Variants in ATRNL1 observed in about 807,000 individuals in gnomAD.
ATRNL1 encodes the protein attractin like 1.
ATRNL1 carries 95 observed loss-of-function variants against 182.7 expected under a neutral mutation model. The ratio of observed to expected loss-of-function variants is 0.52; its 90% CI spans 0.44 to 0.62. The LOEUF (loss-of-function observed/expected upper bound fraction) is 0.62. Among genes scored for constraint, ATRNL1 ranks in the 20% least tolerant of loss-of-function variants. The pLI is 0.00. For missense variants in ATRNL1, 1,471 were observed against 1,679.5 expected, an observed-to-expected ratio of 0.88 and a Z score of 2.17; for synonymous variants, 576 against 568.3, an observed-to-expected ratio of 1.01 and a Z score of -0.19.
At chr10:115,808,760 C>T (rs1949979217) in intron 27 of ATRNL1, among the ~76,000 whole-genome samples, 1 of 152,110 alleles carries the variant, frequency 6.6e-6, no homozygotes, top group African/African-American at 2.4e-5. Flanking sequence ...CCATTTCCCT[C>T]ATGACTTCCG....
chr10:115,612,693 G>A (rs1342502230), intron 26 of ATRNL1, among the ~76,000 whole-genome samples: 1 of 152,150 alleles, frequency 6.6e-6, no homozygotes, highest in East Asian at 1.9e-4. Flanking sequence ...AAAGTCCTTG[G>A]CAAAAGTTCT....
At chr10:115,622,160 C>A (rs1857809354) in intron 26 of ATRNL1, among the ~76,000 whole-genome samples, 1 of 152,210 alleles carries the variant, frequency 6.6e-6, no homozygotes, top group African/African-American at 2.4e-5. Flanking sequence ...TGAGTTTATT[C>A]AGGAGTGTGC....
intron 14 of ATRNL1, among the ~76,000 whole-genome samples, chr10:115,282,482 TA>T (rs1372324492): frequency 1.3e-5 from 2 of 151,210 alleles, no homozygotes; most frequent in Non-Finnish European, 2.9e-5. Flanking sequence ...TTTCTTATAA[TA>T]AATATGTGCT....
At chr10:115,202,401 A>G (rs1422219317) in intron 8 of ATRNL1, among the ~76,000 whole-genome samples, 9 of 147,140 alleles carry the variant, frequency 6.1e-5, no homozygotes, top group African/African-American at 1.8e-4. Flanking sequence ...TTTGAGATAC[A>G]TCCCATCAAT....
intron 28 of ATRNL1, among the ~76,000 whole-genome samples, chr10:115,853,074 G>T (rs369766871): frequency 6.6e-6 from 1 of 151,986 alleles, no homozygotes; most frequent in Admixed American, 6.6e-5. Context: ...TGATGGGGTC[G>T]GGTTAGATTC....
chr10:115,517,683 A>G (rs1850710755), intron 24 of ATRNL1, among the ~76,000 whole-genome samples: 1 of 151,684 alleles, frequency 6.6e-6, no homozygotes, highest in Non-Finnish European at 1.5e-5. Flanking sequence ...GTTTCCTCCT[A>G]TTCCAATTTG....
intron 27 of ATRNL1, among the ~76,000 whole-genome samples, chr10:115,832,198 C>G (rs1288353821): frequency 6.6e-6 from 1 of 152,166 alleles, no homozygotes; most frequent in African/African-American, 2.4e-5. Context: ...AAACTGTAGT[C>G]TGGGTCAGAA....
At chr10:115,867,645 C>G (rs1172650952) in intron 28 of ATRNL1, among the ~76,000 whole-genome samples, 3 of 152,094 alleles carry the variant, frequency 2.0e-5, no homozygotes, top group Non-Finnish European at 4.4e-5. Flanking sequence ...TTTAACATAG[C>G]CACAGATTGG....
chr10:115,366,566 G>A (rs1857053370), intron 19 of ATRNL1, among the ~76,000 whole-genome samples: 1 of 150,602 alleles, frequency 6.6e-6, no homozygotes, highest in Non-Finnish European at 1.5e-5. Context: ...TCATTATGAT[G>A]TTAGCTGGTG....
chr10:115,655,347 A>G, intron 26 of ATRNL1, among the ~76,000 whole-genome samples: 1 of 152,218 alleles, frequency 6.6e-6, no homozygotes, highest in Non-Finnish European at 1.5e-5. Flanking sequence ...ATTGTGAATT[A>G]TATCTTGAGC....
chr10:115,201,689 G>C (rs1487618230), intron 8 of ATRNL1, among the ~76,000 whole-genome samples: 1 of 152,052 alleles, frequency 6.6e-6, no homozygotes. Flanking sequence ...TGTTCTTTTG[G>C]CTTAGGATTG....
At chr10:115,160,944 A>G (rs571502322) in intron 6 of ATRNL1, among the ~76,000 whole-genome samples, 1 of 152,066 alleles carries the variant, frequency 6.6e-6, no homozygotes, top group African/African-American at 2.4e-5. Flanking sequence ...ACACAATAGA[A>G]TTGCCAGATT....
intron 18 of ATRNL1, among the ~76,000 whole-genome samples, chr10:115,318,933 G>C (rs192736388): frequency 1.5e-3 from 231 of 152,072 alleles, no homozygotes; most frequent in African/African-American, 5.4e-3. Flanking sequence ...TCTTCTGCTA[G>C]CTTTTGGATT....
intron 5 of ATRNL1, among the ~76,000 whole-genome samples, chr10:115,139,220 C>T (rs1483326494): frequency 6.6e-6 from 1 of 152,190 alleles, no homozygotes. Flanking sequence ...CCACATTTTT[C>T]TATCTTCTTC....
At chr10:115,616,383 A>T (rs1027057582) in intron 26 of ATRNL1, among the ~76,000 whole-genome samples, 2 of 152,228 alleles carry the variant, frequency 1.3e-5, no homozygotes, top group Non-Finnish European at 2.9e-5. Context: ...AGCAGGGCAT[A>T]CAATTTGGGA....
chr10:115,863,285 C>A (rs1951357624), intron 28 of ATRNL1, among the ~76,000 whole-genome samples: 2 of 151,996 alleles, frequency 1.3e-5, no homozygotes, highest in Admixed American at 1.3e-4. Context: ...AATAACTATG[C>A]TGGGGGTATA....
At chr10:115,785,634 A>G (rs1165016603) in intron 27 of ATRNL1, among the ~76,000 whole-genome samples, 2 of 152,204 alleles carry the variant, frequency 1.3e-5, no homozygotes, top group African/African-American at 4.8e-5. Context: ...AATCTATTCA[A>G]TGAAATGTCC....
rs938300518 is a variant in ATRNL1, at chr10:115,093,569, C to G, written c.-182C>G. 2.3e-5 allele frequency: 17 copies of G among 734,434 alleles called. No homozygotes were observed. The highest frequency in any genetic ancestry group is 3.5e-5 in the Non-Finnish European group (15 of 423,886). The allele number at this position is 734,434 out of a possible 1,614,324, so 45.5% of individuals were successfully genotyped here. On this transcript the variant is annotated 5_prime_UTR_variant, in exon 1 of 29. Coordinates refer to ENST00000355044, the MANE Select transcript of ATRNL1 (RefSeq NM_207303.4). This position sits in a 1 kb window ranked among gnomAD's most constrained non-coding sequence, Gnocchi z 6.1. ...GATGCCCGAGTGCGACTGGAGGCAGCCGAGCGGAGGCGACGGCGGTTGGGA... is the reference window on the plus strand; with the variant it reads ...GATGCCCGAGTGCGACTGGAGGCAGGCGAGCGGAGGCGACGGCGGTTGGGA...
At chr10:115,260,799 T>G (rs1851360528) in intron 10 of ATRNL1, among the ~76,000 whole-genome samples, 1 of 151,800 alleles carries the variant, frequency 6.6e-6, no homozygotes. Flanking sequence ...GAAGATAAAG[T>G]GAAGAATCTC....
Sources: gnomAD v4.1 joint callset for allele counts (sites outside exome capture counted in the v4.1 genomes callset) on GRCh38, gnomAD v4.1.1 for gene constraint, Gnocchi (gnomAD v3.1) non-coding constraint, MANE v1.5 for transcripts, NCBI Gene and HGNC (gene_info 2026-07-23, HGNC 2026-07-21) for gene names.